Variants in ERCC8 observed in about 807,000 individuals in gnomAD.
ERCC8 encodes DNA excision repair protein ERCC-8.
In ERCC8, 52 loss-of-function variants were observed where a neutral mutation model predicts 54.9. That is an observed-to-expected ratio of 0.95 (90% CI 0.76 to 1.19). The LOEUF is 1.19. Among genes scored for constraint, ERCC8 ranks in the 50% most tolerant of loss-of-function variants. The pLI is 0.00. For synonymous variants in ERCC8, 146 were observed against 157.2 expected, an observed-to-expected ratio of 0.93 and a Z score of 0.53; for missense variants, 514 against 466.1, an observed-to-expected ratio of 1.10 and a Z score of -0.95.
intron 4 of ERCC8, among the ~76,000 whole-genome samples, chr5:60,914,254 G>A (rs1265081021): frequency 6.6e-6 from 1 of 152,042 alleles, no homozygotes; most frequent in Non-Finnish European, 1.5e-5. Context: ...GTATGGACTT[G>A]CTTATGAATC....
intron 7 of ERCC8, 58 bp from the exon 8 acceptor site, chr5:60,899,785 CA>C: frequency 7.3e-6 from 9 of 1,238,474 alleles, no homozygotes; most frequent in Non-Finnish European, 1.1e-5. Flanking sequence ...CTGTACCCCT[CA>C]CCCACCTTTC....
At chr5:60,933,198 C>T (rs928362804) in intron 1 of ERCC8, among the ~76,000 whole-genome samples, 1 of 145,510 alleles carries the variant, frequency 6.9e-6, no homozygotes, top group Non-Finnish European at 1.5e-5. Context: ...TCTATGTATG[C>T]ATTTTTTCCT....
intron 11 of ERCC8, among the ~76,000 whole-genome samples, chr5:60,876,608 A>G (rs947939728): frequency 3.9e-5 from 6 of 152,068 alleles, no homozygotes; most frequent in African/African-American, 1.4e-4. Context: ...TGTGGTTTTG[A>G]TTTGCATTTC....
chr5:60,940,369 G>A (rs1473015422), intron 1 of ERCC8, among the ~76,000 whole-genome samples: 1 of 152,218 alleles, frequency 6.6e-6, no homozygotes, highest in Non-Finnish European at 1.5e-5. Context: ...CCGATCCCAA[G>A]AGGGTAGGGA....
rs1237413190 is a variant in ERCC8 at position 60,871,157 on chromosome 5, C to T, written c.*3458G>A. Among the ~76,000 whole-genome samples the T allele has an allele frequency of 2.0e-5, 3 of 152,174 alleles. No individual in the cohort carries two copies. The highest frequency in any genetic ancestry group is 2.9e-5 in the Non-Finnish European group (2 of 68,020). On this transcript the variant is annotated 3_prime_UTR_variant, in exon 12 of 12. Coordinates refer to ENST00000676185, the MANE Select transcript of ERCC8 (RefSeq NM_000082.4). ...CAACAACTAAATTGTACAAATTGTA[C>T]ACCAAAATATACCAAGAAAAATATA... is the stretch of plus-strand genomic sequence containing the variant.
At chr5:60,899,787 C>T in intron 7 of ERCC8, 60 bp from the exon 8 acceptor site, 2 of 1,217,314 alleles carry the variant, frequency 1.6e-6, no homozygotes, top group Non-Finnish European at 1.2e-6. Flanking sequence ...GTACCCCTCA[C>T]CCACCTTTCT....
chr5:60,924,915 T>G (rs1159212675), intron 2 of ERCC8, among the ~76,000 whole-genome samples: 3 of 152,148 alleles, frequency 2.0e-5, no homozygotes, highest in African/African-American at 7.2e-5. Context: ...CTTAACATTA[T>G]TCTCTCATTT....
chr5:60,916,692 T>A (rs998779056), intron 4 of ERCC8, among the ~76,000 whole-genome samples: 1 of 152,004 alleles, frequency 6.6e-6, no homozygotes, highest in African/African-American at 2.4e-5. Flanking sequence ...AAAAAACACA[T>A]CTATTTAGTT....
At position 60,872,697 on chromosome 5, in the gene ERCC8, T is replaced by C. The variant is rs1747888759; in HGVS notation, c.*1918A>G. 6.6e-6 allele frequency among the ~76,000 whole-genome samples: 1 copy of C among 152,164 alleles called. No individual in the cohort carries two copies. Among genetic ancestry groups the C allele is most frequent in the Non-Finnish European group, 1.5e-5 (1 of 68,022 alleles). On this transcript the variant is annotated 3_prime_UTR_variant, in exon 12 of 12. Transcript: ENST00000676185. ...TGCATTATTGTGAAGAAAAAGGAATTCTTGCATATTCTTGGTAGGAATGTA... is the reference window on the plus strand; with the variant it reads ...TGCATTATTGTGAAGAAAAAGGAATCCTTGCATATTCTTGGTAGGAATGTA...
At chr5:60,875,015 T>C (rs4647148) in intron 11 of ERCC8, among the ~76,000 whole-genome samples, 3,857 of 152,332 alleles carry the variant, frequency 0.025, 76 homozygotes, top group Non-Finnish European at 0.042. Context: ...TGGAATTACC[T>C]GGAGAAAGTG....
In ERCC8 at chr5:60,938,044, CATACATATATATATATATAT is replaced by C. The variant is rs1475792783; in HGVS notation, c.77+6868_77+6887del. Among the ~76,000 whole-genome samples, 49 of 16,708 alleles carry C rather than the reference CATACATATATATATATATAT, an allele frequency of 2.9e-3. 2 individuals carry two copies. Among genetic ancestry groups the C allele is most frequent in the African/African-American group, 0.01 (44 of 4,320 alleles). The allele number at this position is 16,708 out of a possible 152,430, so 11.0% of individuals were successfully genotyped here. On this transcript the variant is annotated intron_variant, in intron 1 of 11. Coordinates refer to ENST00000676185, the MANE Select transcript of ERCC8 (RefSeq NM_000082.4). ...GTGTGTATACATACATACATACATACATACATATATATATATATATATATATATATATATATATATATTTT... is the reference window on the plus strand; with the variant it reads ...GTGTGTATACATACATACATACATACATATATATATATATATATATATTTT...
At chr5:60,933,095 C>G (rs1452580263) in intron 1 of ERCC8, among the ~76,000 whole-genome samples, 1 of 151,976 alleles carries the variant, frequency 6.6e-6, no homozygotes, top group East Asian at 1.9e-4. Flanking sequence ...CACATGCTTG[C>G]CCAAATTTCC....
At chr5:60,929,414 A>G (rs1749843780) in intron 1 of ERCC8, among the ~76,000 whole-genome samples, 2 of 152,092 alleles carry the variant, frequency 1.3e-5, no homozygotes, top group African/African-American at 4.8e-5. Context: ...CAGGCAACAT[A>G]GCGAGACCCC....
In ERCC8 at chr5:60,867,972, G is replaced by C. The variant is rs559262307; in HGVS notation, c.*6643C>G. ...AAGGCGGGCAGATCACCTGAGGTCA[G>C]GAGTTCGAGACCAGCCAGACCAACA... On this transcript the variant is annotated 3_prime_UTR_variant, in exon 12 of 12. Coordinates refer to ENST00000676185, the MANE Select transcript of ERCC8 (RefSeq NM_000082.4). 6.6e-6 allele frequency among the ~76,000 whole-genome samples: 1 copy of C among 152,342 alleles called. No individual in the cohort carries two copies. Among genetic ancestry groups the C allele is most frequent in the South Asian group, 2.1e-4 (1 of 4,830 alleles).
At chr5:60,894,164 T>G (rs1198891586) in intron 9 of ERCC8, among the ~76,000 whole-genome samples, 3 of 151,988 alleles carry the variant, frequency 2.0e-5, no homozygotes, top group African/African-American at 7.3e-5. Context: ...TTTTGTATTT[T>G]TAGTAGACAC....
At chr5:60,917,920 G>T in intron 4 of ERCC8, 2 of 233,042 alleles carry the variant, frequency 8.6e-6, no homozygotes, top group Admixed American at 5.1e-5. Context: ...TTTCACAAAG[G>T]GATAATAATA....
intron 11 of ERCC8, among the ~76,000 whole-genome samples, chr5:60,884,523 G>GTTTTTTTTTTT (rs71606648): frequency 6.2e-5 from 8 of 128,122 alleles, no homozygotes; most frequent in Admixed American, 8.6e-5. Context: ...GTGTGTATGT[G>GTTTTTTTTTTT]TTTTTTTTTT....
chr5:60,904,628 GTGTGTGTATA>G lies in ERCC8; in HGVS notation c.481+154_481+163del, dbSNP rs1455722413. Among the ~76,000 whole-genome samples the G allele has an allele frequency of 0.059, 4,020 of 67,584 alleles. 317 individuals are homozygous for G. Among genetic ancestry groups the G allele is most frequent in the East Asian group, 0.17 (348 of 2,082 alleles). 44.3% of individuals were successfully genotyped at this position (67,584 alleles called of 152,430 possible). A position where few individuals can be genotyped will look rare whatever the true frequency, so the allele number is the denominator to read the frequency against. On this transcript the variant is annotated intron_variant, in intron 5 of 11. Transcript: ENST00000676185. ...TATCTGTTGAATATATATAGTGTGT[GTGTGTGTATA>G]TATATATATATATATATATATATAT...
intron 11 of ERCC8, among the ~76,000 whole-genome samples, chr5:60,883,724 G>A (rs1748313372): frequency 6.6e-6 from 1 of 152,162 alleles, no homozygotes; most frequent in South Asian, 2.1e-4. Context: ...AAGATTCTTA[G>A]TGAGAGGTCA....
Sources: allele counts gnomAD v4.1 joint callset (sites outside exome capture counted in the v4.1 genomes callset), GRCh38; gene constraint gnomAD v4.1.1; transcripts MANE v1.5; gene names NCBI Gene and HGNC (gene_info 2026-07-23, HGNC 2026-07-21).